The following GRM6 variants were observed in gnomAD, a reference collection of about 807,000 sequenced individuals.
GRM6 encodes the protein glutamate metabotropic receptor 6.
A neutral mutation model predicts 78.4 loss-of-function variants in GRM6; 73 were observed. The ratio of observed to expected loss-of-function variants is 0.93; its 90% CI spans 0.77 to 1.13. The LOEUF is 1.13. Ranked by LOEUF, GRM6 falls within the 50% of genes most tolerant of loss-of-function variation. GRM6 has a pLI of 0.00. For synonymous variants in GRM6, 580 were observed against 555.0 expected, an observed-to-expected ratio of 1.05 and a Z score of -0.63; for missense variants, 1,251 against 1,256.4, an observed-to-expected ratio of 1.00 and a Z score of 0.07.
intron 9 of GRM6, among the ~76,000 whole-genome samples, chr5:178,984,289 AGCACGCCTC>A (rs11279361): frequency 0.52 from 78,636 of 151,612 alleles, 22,533 homozygotes; most frequent in Non-Finnish European, 0.64. Context: ...GGAGCGAGCG[AGCACGCCTC>A]ACTCGGAACG....
chr5:178,982,016 G>A (rs1034169915), intron 10 of GRM6, among the ~76,000 whole-genome samples, 162 bp from the exon 11 acceptor site: 7 of 152,326 alleles, frequency 4.6e-5, no homozygotes, highest in African/African-American at 1.4e-4. Context: ...CCCCGCGCCT[G>A]AGGGGCTGGC....
chr5:178,983,395 C>T (rs1472062602), intron 9 of GRM6, 174 bp from the exon 10 acceptor site: 1 of 720,388 alleles, frequency 1.4e-6, no homozygotes, highest in African/African-American at 1.7e-5. Flanking sequence ...GGGATGGCAG[C>T]CCAGGCAGGG....
Position 178,986,511 on chromosome 5 carries a change from C to G in GRM6, c.1743G>C (p.Trp581Cys), listed in dbSNP as rs769713071. Residue 581 changes from tryptophan to cysteine, a missense_variant, in exon 9 of 11, where the codon TGG (tryptophan) becomes TGC (cysteine). By Grantham distance (215) the Trp-to-Cys change is radical. Coordinates refer to ENST00000517717, the MANE Select transcript of GRM6 (RefSeq NM_000843.4). Reference sequence around the variant, plus strand: ...GCGGCGGGGCTGCCCAGGGGGAGGACCAGCTCAGGCGCACCACAGGTGTGG... The same window carrying G: ...GCGGCGGGGCTGCCCAGGGGGAGGAGCAGCTCAGGCGCACCACAGGTGTGG... ...CRPTPVVRLS[W>C]SSPWAAPPLL... is the part of the protein sequence containing the mutation. 1.4e-5 allele frequency: 23 copies of G among 1,608,882 alleles called. No individual in the cohort carries two copies. Among genetic ancestry groups the G allele is most frequent in the Non-Finnish European group, 1.8e-5 (21 of 1,178,670 alleles).
Position 178,986,319 on chromosome 5 carries a change from A to G in GRM6, c.1935T>C (p.Pro645=), listed in dbSNP as rs907809702. The G allele has an allele frequency of 1.1e-5, 17 of 1,614,062 alleles. No individual in the cohort carries two copies. The highest frequency in any genetic ancestry group is 2.2e-5 in the South Asian group (2 of 91,078). ...TGCGGGCGGCACAGACCGCGGCCCC[A>G]GGCTCAGCCACCATGAGGAAGGTGA... The part of the protein sequence containing the change: ...YAITFLMVAE[P]GAAVCAARRL... The change falls in exon 9 of 11, where the codon CCT becomes CCC. Residue 645 remains proline (P), a synonymous_variant. Transcript: ENST00000517717.
chr5:178,990,554 G>C lies in GRM6; in HGVS notation c.1012+38C>G, dbSNP rs1159491571. The C allele has an allele frequency of 7.1e-6, 11 of 1,555,876 alleles. No individual in the cohort carries two copies. The East Asian group carries it at 2.5e-4, about 35-fold the overall frequency. Reference sequence around the variant, plus strand: ...CATCCCCAAGAGGGGGTGCTGGGGAGACGTGTGGGGTGGGGGATGGAGTGC... The same window carrying C: ...CATCCCCAAGAGGGGGTGCTGGGGACACGTGTGGGGTGGGGGATGGAGTGC... On this transcript the variant is annotated intron_variant, in intron 5 of 10. Transcript: ENST00000517717.
At position 178,982,990 on chromosome 5, in the gene GRM6, C is replaced by T. The variant is rs372478963; in HGVS notation, c.2356G>A (p.Gly786Ser). Residue 786 changes from glycine to serine, a missense_variant, in exon 10 of 11, where the codon GGC becomes AGC. Gly to Ser is a moderately conservative substitution (Grantham distance 56). Coordinates refer to ENST00000517717, the MANE Select transcript of GRM6 (RefSeq NM_000843.4). The part of the protein sequence containing the change: ...PETFNEAKPI[G>S]FTMYTTCIIW... ...ATGCAGGTGGTGTACATGGTGAAGC[C>T]GATGGGCTTGGCCTCGTTGAAGGTC... The T allele has an allele frequency of 3.0e-5, 49 of 1,614,032 alleles. No individual in the cohort carries two copies. The highest frequency in any genetic ancestry group is 5.5e-5 in the South Asian group (5 of 91,084).
Position 178,994,558 on chromosome 5 carries a change from G to A in GRM6, c.387C>T (p.Arg129=). The A allele has an allele frequency of 1.5e-6, 2 of 1,338,708 alleles. No homozygotes were observed. The highest frequency in any genetic ancestry group is 1.9e-6 in the Non-Finnish European group (2 of 1,050,674). 82.9% of individuals were successfully genotyped at this position (1,338,708 alleles called of 1,614,324 possible). ...GRGDGDEVGV[R]CPGGVPPLRP... The stretch of plus-strand genomic sequence containing the variant: ...GCAGCGGAGGGACGCCTCCCGGGCA[G>A]CGCACGCCCACCTCGTCGCCGTCGC... Residue 129 remains arginine, a synonymous_variant, in exon 2 of 11, where the codon CGC becomes CGT. Coordinates refer to ENST00000517717, the MANE Select transcript of GRM6 (RefSeq NM_000843.4).
At chr5:178,985,840 C>CA (rs1363645550) in intron 9 of GRM6, 8 of 540,010 alleles carry the variant, frequency 1.5e-5, no homozygotes, top group African/African-American at 9.5e-5. Flanking sequence ...TGGCTCACAG[C>CA]AACCTTCAAC....
rs1340110862 is a variant in GRM6, at chr5:178,994,514, C to A, written c.431G>T (p.Arg144Leu). Residue 144 changes from arginine (R) to leucine (L), a missense_variant, in exon 2 of 11, where the codon CGC becomes CTC. Arg to Leu is a moderately radical substitution (Grantham distance 102). Coordinates refer to ENST00000517717, the MANE Select transcript of GRM6 (RefSeq NM_000843.4). ...CGAGGCGCCCACGACGGCCACGACG[C>A]GCTCGGGGGGCGCGGGGCGCAGCGG... Reference protein sequence around the residue: ...VPPLRPAPPERVVAVVGASAS... With the variant: ...VPPLRPAPPELVVAVVGASAS... 1.4e-6 allele frequency: 2 copies of A among 1,416,638 alleles called. No homozygotes were observed. Among genetic ancestry groups the A allele is most frequent in the South Asian group, 2.9e-5 (2 of 68,060 alleles). The allele number at this position is 1,416,638 out of a possible 1,614,324, so 87.8% of individuals were successfully genotyped here.
At chr5:178,984,542 G>A (rs1324046984) in intron 9 of GRM6, among the ~76,000 whole-genome samples, 1 of 152,152 alleles carries the variant, frequency 6.6e-6, no homozygotes, top group African/African-American at 2.4e-5. Context: ...AGTGTGGGGC[G>A]GGCAGTGGCT....
At position 178,994,903 on chromosome 5, in the gene GRM6, C is replaced by T. The variant is rs1254458308; in HGVS notation, c.42G>A (p.Ala14=). The stretch of plus-strand genomic sequence containing the variant: ...GCGCCAGCCACGCCAGCGGCAGCAG[C>T]GCCACGAGCAGCGGCTCCCGGGCTC... The part of the protein sequence containing the change: ...PRRAREPLLV[A]LLPLAWLAQA... The change falls in exon 2 of 11, where the codon GCG becomes GCA. Residue 14 remains alanine (A), a synonymous_variant. Coordinates refer to ENST00000517717, the MANE Select transcript of GRM6 (RefSeq NM_000843.4). 8.3e-7 allele frequency: 1 copy of T among 1,209,708 alleles called. No individual in the cohort carries two copies. Among genetic ancestry groups the T allele is most frequent in the African/African-American group, 1.6e-5 (1 of 62,514 alleles). 74.9% of individuals were successfully genotyped at this position (1,209,708 alleles called of 1,614,324 possible).
Position 178,986,216 on chromosome 5 carries a change from C to T in GRM6, c.2038G>A (p.Glu680Lys). The stretch of plus-strand genomic sequence containing the variant: ...GGTGTGACCGAGCGCTTGCCCTGCT[C>T]AAAGATGCGGTAGATACGGTTGGTC... ...TKTNRIYRIF[E>K]QGKRSVTPPP... Residue 680 changes from glutamate to lysine, a missense_variant, in exon 9 of 11, where the codon GAG becomes AAG. Glu to Lys is a moderately conservative substitution (Grantham distance 56, BLOSUM62 1). Transcript: ENST00000517717. 6.2e-7 allele frequency: 1 copy of T among 1,614,134 alleles called. No individual in the cohort carries two copies. Among genetic ancestry groups the T allele is most frequent in the East Asian group, 2.2e-5 (1 of 44,858 alleles).
intron 10 of GRM6, among the ~76,000 whole-genome samples, chr5:178,982,176 C>G (rs1760408848): frequency 6.6e-6 from 1 of 152,190 alleles, no homozygotes. Context: ...AGACAAACTT[C>G]AGGAGCAGAT....
At position 178,992,232 on chromosome 5, in the gene GRM6, G is replaced by A. The variant is rs1022711357; in HGVS notation, c.505-149C>T. On this transcript the variant is annotated intron_variant, in intron 2 of 10. Coordinates refer to ENST00000517717, the MANE Select transcript of GRM6 (RefSeq NM_000843.4). The surrounding 1 kb of genome is among the most constrained non-coding windows in gnomAD (Gnocchi z 4.9). ...TGGGAGATGGAAGGGTTGGGGTGGG[G>A]ACCTGGGGCCAGCTGGAGCAGCCAC... 2 of 708,242 alleles carry A rather than the reference G, an allele frequency of 2.8e-6. No homozygotes were observed. The highest frequency in any genetic ancestry group is 2.7e-5 in the East Asian group (1 of 37,144). The allele number at this position is 708,242 out of a possible 1,614,324, so 43.9% of individuals were successfully genotyped here. A position where few individuals can be genotyped will look rare whatever the true frequency, so the allele number is the denominator to read the frequency against.
intron 9 of GRM6, chr5:178,985,715 CA>C (rs749444004): frequency 5.2e-6 from 2 of 384,882 alleles, no homozygotes; most frequent in African/African-American, 2.3e-5. Context: ...AAAAAAAAAA[CA>C]AAACAACACA....
At chr5:178,985,668 A>G (rs149387247) in intron 9 of GRM6, 5,598 of 397,142 alleles carry the variant, frequency 0.014, 132 homozygotes, top group African/African-American at 0.067. Flanking sequence ...GTGCCACTGC[A>G]CTCCAGCCTG....
rs564369800 is a variant in GRM6, at chr5:178,991,555, C to T, written c.726G>A (p.Gly242=). Reference sequence around the variant, plus strand: ...TCTTGATAGACTGGGCAATACAGACCCCCCCTGGGCGTTGGGGGTGCCAGA... The same window carrying T: ...TCTTGATAGACTGGGCAATACAGACTCCCCCTGGGCGTTGGGGGTGCCAGA... ...AFVQISREAG[G]VCIAQSIKIP... Residue 242 remains glycine, a synonymous_variant, in exon 4 of 11, where the codon GGG becomes GGA. Transcript: ENST00000517717. This position sits in a 1 kb window ranked among gnomAD's most constrained non-coding sequence, Gnocchi z 5.0. 2.5e-6 allele frequency: 4 copies of T among 1,613,582 alleles called. No homozygotes were observed. The highest frequency in any genetic ancestry group is 1.3e-5 in the African/African-American group (1 of 74,822).
Position 178,987,140 on chromosome 5 carries a change from C to T in GRM6, c.1355-157G>A, listed in dbSNP as rs1381416442. 9 of 778,322 alleles carry T rather than the reference C, an allele frequency of 1.2e-5. No individual in the cohort carries two copies. The African/African-American group carries it at 1.2e-4, about 10-fold the overall frequency. 48.2% of individuals were successfully genotyped at this position (778,322 alleles called of 1,614,324 possible). On this transcript the variant is annotated intron_variant, in intron 7 of 10. Coordinates refer to ENST00000517717, the MANE Select transcript of GRM6 (RefSeq NM_000843.4). ...CAAGCCGCAGGGAGATCCCCCTTCACCCATTGGGATGGCTTCTAGCCAAGA... is the reference window on the plus strand; with the variant it reads ...CAAGCCGCAGGGAGATCCCCCTTCATCCATTGGGATGGCTTCTAGCCAAGA...
rs1760392103 is a variant in GRM6 at position 178,981,428 on chromosome 5, T to C, written c.*229A>G. 1.4e-5 allele frequency: 7 copies of C among 515,580 alleles called. No homozygotes were observed. Among genetic ancestry groups the C allele is most frequent in the African/African-American group, 9.6e-5 (5 of 51,840 alleles). 31.9% of individuals were successfully genotyped at this position (515,580 alleles called of 1,614,324 possible). A position where few individuals can be genotyped will look rare whatever the true frequency, so the allele number is the denominator to read the frequency against. On this transcript the variant is annotated 3_prime_UTR_variant, in exon 11 of 11. Transcript: ENST00000517717. The surrounding 1 kb of genome is among the most constrained non-coding windows in gnomAD (Gnocchi z 5.1). ...CCTTCTCGGTGGCTGTTTCCCACCA[T>C]GGGAAGCGAGTCTGGTCTGTGGTGA...
Sources: gnomAD v4.1 joint callset for allele counts (sites outside exome capture counted in the v4.1 genomes callset) on GRCh38, gnomAD v4.1.1 for gene constraint, Gnocchi (gnomAD v3.1) non-coding constraint, MANE v1.5 for transcripts, NCBI Gene and HGNC (gene_info 2026-07-23, HGNC 2026-07-21) for gene names.